The following RFX3 variants were observed in gnomAD, a reference collection of about 807,000 sequenced individuals.
RFX3 encodes regulatory factor X3.
RFX3 carries 14 observed loss-of-function variants against 98.6 expected under a neutral mutation model. The ratio of observed to expected loss-of-function variants is 0.14; its 90% CI spans 0.09 to 0.22. RFX3 has a LOEUF of 0.22. RFX3 is among the 10% of genes least tolerant of loss of function. The pLI is 1.00. For missense variants in RFX3, 639 were observed against 926.9 expected, an observed-to-expected ratio of 0.69 and a Z score of 4.03; for synonymous variants, 383 against 328.4, an observed-to-expected ratio of 1.17 and a Z score of -1.80.
chr9:3,403,400 C>A (rs1006666096), intron 1 of RFX3, among the ~76,000 whole-genome samples: 2 of 152,000 alleles, frequency 1.3e-5, no homozygotes, highest in African/African-American at 4.8e-5. Context: ...TGACTGTGTA[C>A]AATAAATCTT....
chr9:3,486,439 C>A (rs555318643), intron 1 of RFX3, among the ~76,000 whole-genome samples: 1 of 152,122 alleles, frequency 6.6e-6, no homozygotes, highest in Non-Finnish European at 1.5e-5. Flanking sequence ...ATTTTAAGTT[C>A]TTTCCCCTCC....
chr9:3,459,859 T>A (rs1427620616), intron 1 of RFX3, among the ~76,000 whole-genome samples: 2 of 152,082 alleles, frequency 1.3e-5, no homozygotes. Context: ...ATAACTCTAA[T>A]ACAATTTCAT....
intron 1 of RFX3, among the ~76,000 whole-genome samples, chr9:3,409,210 C>A (rs2132139148): frequency 1.3e-5 from 2 of 152,248 alleles, no homozygotes; most frequent in Non-Finnish European, 2.9e-5. Context: ...GTTTTGAATG[C>A]CAAAAAGTGT....
chr9:3,506,256 G>C lies in RFX3; in HGVS notation c.-9+19491C>G, dbSNP rs561729062. Among the ~76,000 whole-genome samples, 148 of 151,038 alleles carry C rather than the reference G, an allele frequency of 9.8e-4. 1 individual carries two copies. In the South Asian group the frequency reaches 0.028, roughly 29 times the overall value. On this transcript the variant is annotated intron_variant, in intron 1 of 16. Coordinates refer to ENST00000617270, the MANE Select transcript of RFX3 (RefSeq NM_001282116.2). ...TTTTCAGGGTAAAGTCTCTGTAGCAGACATAAAGGCAGATAATCATACCTT... is the reference window on the plus strand; with the variant it reads ...TTTTCAGGGTAAAGTCTCTGTAGCACACATAAAGGCAGATAATCATACCTT...
At chr9:3,356,034 C>A (rs1009136618) in intron 2 of RFX3, among the ~76,000 whole-genome samples, 5 of 150,976 alleles carry the variant, frequency 3.3e-5, no homozygotes, top group African/African-American at 1.2e-4. Flanking sequence ...GCAGCCAGAG[C>A]CTCGCATAGA....
chr9:3,260,571 C>G (rs1018719936), intron 13 of RFX3, among the ~76,000 whole-genome samples: 1 of 151,746 alleles, frequency 6.6e-6, no homozygotes, highest in Middle Eastern at 3.4e-3. Context: ...CTTTCTGAAA[C>G]TAGAAGCTGC....
intron 1 of RFX3, among the ~76,000 whole-genome samples, chr9:3,434,730 A>G (rs961414228): frequency 1.3e-5 from 2 of 152,030 alleles, no homozygotes; most frequent in African/African-American, 4.8e-5. Flanking sequence ...TAGCTCAGCC[A>G]TGGGTGTCTT....
chr9:3,228,330 G>A (rs1259057011), intron 16 of RFX3, among the ~76,000 whole-genome samples: 3 of 152,046 alleles, frequency 2.0e-5, no homozygotes, highest in African/African-American at 7.2e-5. Context: ...ATATTAGAGT[G>A]GCAATGCTGA....
At chr9:3,343,288 T>C (rs1253078318) in intron 3 of RFX3, among the ~76,000 whole-genome samples, 1 of 152,140 alleles carries the variant, frequency 6.6e-6, no homozygotes, top group African/African-American at 2.4e-5. Flanking sequence ...CAAAAGTTCA[T>C]GATAAAGATC....
intron 4 of RFX3, among the ~76,000 whole-genome samples, chr9:3,328,698 T>C (rs934235743): frequency 6.6e-6 from 1 of 152,146 alleles, no homozygotes; most frequent in Admixed American, 6.6e-5. Flanking sequence ...GAAAAGGCAC[T>C]GAATGATGAA....
At chr9:3,479,830 C>G (rs979582326) in intron 1 of RFX3, among the ~76,000 whole-genome samples, 2 of 152,100 alleles carry the variant, frequency 1.3e-5, no homozygotes, top group African/African-American at 4.8e-5. Flanking sequence ...AGGAGGCAAC[C>G]CTATCTCTTG....
intron 3 of RFX3, among the ~76,000 whole-genome samples, chr9:3,340,932 C>G (rs1318021024): frequency 6.6e-6 from 1 of 152,190 alleles, no homozygotes; most frequent in African/African-American, 2.4e-5. Flanking sequence ...ATAAATCATG[C>G]TGCTATAAAG....
At chr9:3,340,464 A>G (rs376674118) in intron 3 of RFX3, among the ~76,000 whole-genome samples, 35 of 152,314 alleles carry the variant, frequency 2.3e-4, no homozygotes, top group African/African-American at 3.8e-4. Context: ...GAGTGAACAG[A>G]CAACCTACAG....
intron 1 of RFX3, among the ~76,000 whole-genome samples, chr9:3,436,199 T>C (rs374577812): frequency 2.0e-5 from 3 of 152,110 alleles, no homozygotes; most frequent in Non-Finnish European, 4.4e-5. Flanking sequence ...CAATTCTTCA[T>C]GAAGCCAAGT....
At chr9:3,516,101 C>T (rs988639932) in intron 1 of RFX3, among the ~76,000 whole-genome samples, 4 of 151,808 alleles carry the variant, frequency 2.6e-5, no homozygotes, top group African/African-American at 7.3e-5. Context: ...CAGACTGGAG[C>T]GCACTGGCGT....
chr9:3,230,320 G>A (rs957562557), intron 15 of RFX3, among the ~76,000 whole-genome samples: 1 of 152,140 alleles, frequency 6.6e-6, no homozygotes, highest in Non-Finnish European at 1.5e-5. Flanking sequence ...TTATTAGTAT[G>A]TTTATTTGAA....
chr9:3,421,530 A>C (rs1037179560), intron 1 of RFX3, among the ~76,000 whole-genome samples: 1 of 152,240 alleles, frequency 6.6e-6, no homozygotes, highest in African/African-American at 2.4e-5. Context: ...TTTAAAGCAA[A>C]TACTCTATCT....
intron 1 of RFX3, among the ~76,000 whole-genome samples, chr9:3,401,210 G>A (rs1389106811): frequency 1.3e-5 from 2 of 152,122 alleles, no homozygotes; most frequent in South Asian, 4.1e-4. Flanking sequence ...CTGAAGACCT[G>A]ATAAAAACAG....
intron 2 of RFX3, among the ~76,000 whole-genome samples, chr9:3,394,079 A>C (rs1281547031): frequency 6.6e-6 from 1 of 152,244 alleles, no homozygotes; most frequent in Non-Finnish European, 1.5e-5. Context: ...TATATAGTTC[A>C]ATCTAATAAA....
Sources: gnomAD v4.1 joint callset for allele counts (sites outside exome capture counted in the v4.1 genomes callset) on GRCh38, gnomAD v4.1.1 for gene constraint, MANE v1.5 for transcripts, NCBI Gene and HGNC (gene_info 2026-07-23, HGNC 2026-07-21) for gene names.